Variants in IFT140 observed in about 807,000 individuals in gnomAD.
IFT140 encodes intraflagellar transport 140.
Under a neutral mutation model 164.6 loss-of-function variants are expected in IFT140, and 133 were observed. The observed-to-expected ratio is 0.81, with a 90% CI of 0.70 to 0.93. IFT140 has a LOEUF of 0.93. Among genes scored for constraint, IFT140 ranks in the 40% least tolerant of loss-of-function variants. The probability of loss-of-function intolerance (pLI) is 0.00; values close to 1 mark genes in which losing one functional copy is unlikely to be tolerated. For synonymous variants in IFT140, 860 were observed against 817.3 expected (o/e 1.05, Z -0.89); for missense variants, 2,045 against 1,972.3 (o/e 1.04, Z -0.70).
chr16:1,596,920 T>C (rs893485143), intron 4 of IFT140, among the ~76,000 whole-genome samples: 1 of 152,096 alleles, frequency 6.6e-6, no homozygotes, highest in African/African-American at 2.4e-5. Context: ...TTTCACACGG[T>C]ATAATTTTAT....
At chr16:1,525,365 TC>T in intron 21 of IFT140, 39 bp from the exon 22 acceptor site, 1 of 1,513,732 alleles carries the variant, frequency 6.6e-7, no homozygotes. Context: ...TTCCCTCCCA[TC>T]CCAGCCCCAC....
chr16:1,571,607 A>G (rs1056595714), intron 13 of IFT140, 73 bp from the exon 14 acceptor site: 5 of 1,447,102 alleles, frequency 3.5e-6, no homozygotes, highest in Non-Finnish European at 4.8e-6. Flanking sequence ...AACCTTGTAC[A>G]CACAAGAAAT....
At chr16:1,546,124 G>A (rs1286838119) in intron 19 of IFT140, among the ~76,000 whole-genome samples, 1 of 152,238 alleles carries the variant, frequency 6.6e-6, no homozygotes, top group Non-Finnish European at 1.5e-5. Context: ...ATAGGCACGG[G>A]CAGAGAGGGA....
At chr16:1,599,185 C>A (rs1184950151) in intron 4 of IFT140, among the ~76,000 whole-genome samples, 1 of 82,354 alleles carries the variant, frequency 1.2e-5, no homozygotes. Context: ...TGGCAACCAC[C>A]CCATCTGAGA....
chr16:1,592,889 G>A (rs1169720143), intron 4 of IFT140, among the ~76,000 whole-genome samples: 1 of 151,748 alleles, frequency 6.6e-6, no homozygotes, highest in Non-Finnish European at 1.5e-5. Context: ...AGTGACTGGT[G>A]GAAGGACAGG....
intron 16 of IFT140, among the ~76,000 whole-genome samples, chr16:1,565,697 T>C (rs933224977): frequency 6.6e-6 from 1 of 152,256 alleles, no homozygotes; most frequent in Non-Finnish European, 1.5e-5. Context: ...GAATCAGCCA[T>C]GAACTGTGAG....
chr16:1,513,755 G>C (rs56285506), intron 30 of IFT140, among the ~76,000 whole-genome samples: 1 of 149,746 alleles, frequency 6.7e-6, no homozygotes, highest in African/African-American at 2.5e-5. Flanking sequence ...CTCACTGCAA[G>C]CTCCGCCTCC....
intron 4 of IFT140, among the ~76,000 whole-genome samples, chr16:1,596,983 T>C (rs1483191168): frequency 1.3e-5 from 2 of 152,112 alleles, no homozygotes; most frequent in Admixed American, 1.3e-4. Flanking sequence ...CAGCTCTCCT[T>C]GTGAAGAGCC....
At chr16:1,568,432 G>C in intron 14 of IFT140, 98 bp from the exon 15 acceptor site, 2 of 954,582 alleles carry the variant, frequency 2.1e-6, no homozygotes, top group Admixed American at 4.1e-5. Flanking sequence ...GTGCTGCACA[G>C]CTCTTAGGCT....
At chr16:1,544,165 C>G (rs1419710432) in intron 19 of IFT140, among the ~76,000 whole-genome samples, 1 of 139,548 alleles carries the variant, frequency 7.2e-6, no homozygotes, top group Non-Finnish European at 1.7e-5. Context: ...TTGCAGGCAC[C>G]TGCCACCACG....
At chr16:1,583,293 G>C in intron 12 of IFT140, 21 bp downstream of exon 12, 1 of 1,609,952 alleles carries the variant, frequency 6.2e-7, no homozygotes, top group Middle Eastern at 1.7e-4. Flanking sequence ...GAGTGCCTCT[G>C]TCCGGGTGAA....
chr16:1,550,415 G>T (rs758853499), intron 19 of IFT140, among the ~76,000 whole-genome samples: 1 of 152,214 alleles, frequency 6.6e-6, no homozygotes, highest in Non-Finnish European at 1.5e-5. Flanking sequence ...CTATGACACT[G>T]ATCTTAAGAA....
rs144028766 is a variant in IFT140 at position 1,520,311 on chromosome 16, C to T, written c.3693G>A (p.Thr1231=). 971 of 1,614,064 alleles carry T rather than the reference C, an allele frequency of 6.0e-4. No homozygotes were observed. The highest frequency in any genetic ancestry group is 7.8e-4 in the Non-Finnish European group (921 of 1,180,044). ...AMRALLKSGD[T]EKITFFASVS... is the part of the protein sequence containing the mutation. ...CGCTCGCGAAGAACGTGATTTTCTC[C>T]GTGTCTCCGGATTTGAGCAGCGCCC... is the stretch of plus-strand genomic sequence containing the variant. The change falls in exon 28 of 31, where the codon ACG becomes ACA. Residue 1231 remains threonine (T), a synonymous_variant. Coordinates refer to ENST00000426508, the MANE Select transcript of IFT140 (RefSeq NM_014714.4).
intron 19 of IFT140, among the ~76,000 whole-genome samples, chr16:1,529,151 G>A (rs531809818): frequency 1.3e-5 from 2 of 152,276 alleles, no homozygotes; most frequent in South Asian, 2.1e-4. Context: ...ACATGTACTC[G>A]GGTGAATTCC....
At chr16:1,574,952 T>C (rs959285894) in intron 13 of IFT140, among the ~76,000 whole-genome samples, 3 of 152,176 alleles carry the variant, frequency 2.0e-5, no homozygotes, top group African/African-American at 4.8e-5. Flanking sequence ...TGAGGAGGGA[T>C]AGTGACCTGG....
intron 2 of IFT140, 150 bp from the exon 3 acceptor site, chr16:1,607,447 C>G (rs1480442800): frequency 3.2e-6 from 2 of 624,134 alleles, no homozygotes; most frequent in African/African-American, 3.7e-5. Flanking sequence ...GAGCAGGCAA[C>G]CTGATGCGAG....
chr16:1,596,542 G>A (rs2667669), intron 4 of IFT140, among the ~76,000 whole-genome samples: 21,225 of 152,078 alleles, frequency 0.14, 2,589 homozygotes, highest in African/African-American at 0.33. Context: ...GAGCGCCTGC[G>A]CCCAAAAGCA....
intron 19 of IFT140, among the ~76,000 whole-genome samples, chr16:1,546,615 C>T (rs2032198425): frequency 6.6e-6 from 1 of 152,232 alleles, no homozygotes; most frequent in Non-Finnish European, 1.5e-5. Context: ...TGGTGCAGCA[C>T]CTGTGCTCCC....
chr16:1,544,013 A>G (rs958289916), intron 19 of IFT140, among the ~76,000 whole-genome samples: 2 of 151,560 alleles, frequency 1.3e-5, no homozygotes, highest in Non-Finnish European at 2.9e-5. Flanking sequence ...ATGGATCACT[A>G]CATTTCTTTT....
Sources: allele counts gnomAD v4.1 joint callset (sites outside exome capture counted in the v4.1 genomes callset), GRCh38; gene constraint gnomAD v4.1.1; transcripts MANE v1.5; gene names NCBI Gene and HGNC (gene_info 2026-07-23, HGNC 2026-07-21).